Variants in TPGS2 observed in about 807,000 individuals in gnomAD.
The protein encoded by TPGS2 is tubulin polyglutamylase complex subunit 2.
TPGS2 carries 26 observed loss-of-function variants against 31.1 expected under a neutral mutation model. The ratio of observed to expected loss-of-function variants is 0.84; its 90% CI spans 0.61 to 1.16. The LOEUF (loss-of-function observed/expected upper bound fraction) is 1.16. TPGS2 is among the 50% of genes most tolerant of loss of function. The pLI is 0.00. For missense variants in TPGS2, 351 were observed against 363.8 expected (o/e 0.96, Z 0.29); for synonymous variants, 130 against 136.6 (o/e 0.95, Z 0.34).
At chr18:36,787,300 C>A (rs529721710) in intron 6 of TPGS2, among the ~76,000 whole-genome samples, 2 of 152,272 alleles carry the variant, frequency 1.3e-5, no homozygotes, top group East Asian at 1.9e-4. Flanking sequence ...TTGGCTTTTT[C>A]TCTTTCAGAA....
At chr18:36,800,090 G>A in intron 5 of TPGS2, 108 bp downstream of exon 5, 1 of 907,464 alleles carries the variant, frequency 1.1e-6, no homozygotes, top group South Asian at 1.6e-5. Flanking sequence ...GAACCTGGGA[G>A]CATCTCAAGA....
In TPGS2 at chr18:36,795,926, A is replaced by ATGTT. The variant is rs1029225464; in HGVS notation, c.*875_*878dup. On this transcript the variant is annotated 3_prime_UTR_variant, in exon 7 of 7. Transcript: ENST00000334295. Reference sequence around the variant, plus strand: ...TCTTTATGAAGAGTTGTGCAAAACAATGTTTGGGAATTTTTTGTTTTTAAA... The same window carrying ATGTT: ...TCTTTATGAAGAGTTGTGCAAAACAATGTTTGTTTGGGAATTTTTTGTTTTTAAA... The ATGTT allele has an allele frequency of 3.9e-5, 38 of 985,352 alleles. No homozygotes were observed. The highest frequency in any genetic ancestry group is 4.2e-5 in the Non-Finnish European group (35 of 829,944). The allele number at this position is 985,352 out of a possible 1,614,324, so 61.0% of individuals were successfully genotyped here. A position where few individuals can be genotyped will look rare whatever the true frequency, so the allele number is the denominator to read the frequency against.
At chr18:36,788,886 G>C (rs1014019693) in intron 6 of TPGS2, 1 of 152,148 alleles carries the variant, frequency 6.6e-6, no homozygotes, top group South Asian at 2.1e-4. Context: ...GAGGCTAGGA[G>C]GACGATCCCA....
chr18:36,788,273 A>G (rs992517047), intron 6 of TPGS2, among the ~76,000 whole-genome samples: 1 of 152,130 alleles, frequency 6.6e-6, no homozygotes, highest in Admixed American at 6.5e-5. Flanking sequence ...CTCAATAAAC[A>G]TACATTCTAG....
chr18:36,823,942 C>CAT, intron 1 of TPGS2: 1 of 757,012 alleles, frequency 1.3e-6, no homozygotes, highest in Non-Finnish European at 1.6e-6. Flanking sequence ...TTTACTGAGA[C>CAT]ATAATTCGCA....
In TPGS2 at chr18:36,794,882, C is replaced by T. The variant is rs935812312; in HGVS notation, c.*1923G>A. Reference sequence around the variant, plus strand: ...ACACACACACACACACACACACACACGTTTAAATGACCACACTGAATTATA... The same window carrying T: ...ACACACACACACACACACACACACATGTTTAAATGACCACACTGAATTATA... On this transcript the variant is annotated 3_prime_UTR_variant, in exon 7 of 7. Coordinates refer to ENST00000334295, the MANE Select transcript of TPGS2 (RefSeq NM_015476.4). 73 of 968,830 alleles carry T rather than the reference C, an allele frequency of 7.5e-5. No individual in the cohort carries two copies. Among genetic ancestry groups the T allele is most frequent in the Non-Finnish European group, 8.6e-5 (71 of 823,726 alleles). The allele number at this position is 968,830 out of a possible 1,614,324, so 60.0% of individuals were successfully genotyped here.
chr18:36,794,357 T>TATCA lies in TPGS2; in HGVS notation c.*2444_*2447dup. 1 of 985,508 alleles carries TATCA rather than the reference T, an allele frequency of 1.0e-6. No homozygotes were observed. Among genetic ancestry groups the TATCA allele is most frequent in the South Asian group, 4.7e-5 (1 of 21,286 alleles). 61.0% of individuals were successfully genotyped at this position (985,508 alleles called of 1,614,324 possible). A position where few individuals can be genotyped will look rare whatever the true frequency, so the allele number is the denominator to read the frequency against. ...CTGAGGCAGGTCTTGAGCCTTTCCT[T>TATCA]ATCATAACCCCCTTCCTTTGATAGC... is the stretch of plus-strand genomic sequence containing the variant. On this transcript the variant is annotated 3_prime_UTR_variant, in exon 7 of 7. Transcript: ENST00000334295.
chr18:36,800,354 C>G (rs1208613285), intron 4 of TPGS2, 43 bp from the exon 5 acceptor site: 8 of 1,561,950 alleles, frequency 5.1e-6, no homozygotes, highest in Admixed American at 1.7e-5. Flanking sequence ...ACAAACTCAA[C>G]TCAAACACAT....
intron 2 of TPGS2, among the ~76,000 whole-genome samples, chr18:36,812,966 A>T (rs888921286): frequency 9.2e-5 from 14 of 152,220 alleles, no homozygotes; most frequent in African/African-American, 3.1e-4. Flanking sequence ...GAGGAAAAAC[A>T]GTGTGTGTTT....
chr18:36,826,869 C>G (rs1434080687), intron 1 of TPGS2, among the ~76,000 whole-genome samples: 1 of 152,022 alleles, frequency 6.6e-6, no homozygotes, highest in Non-Finnish European at 1.5e-5. Context: ...TCATAGATGT[C>G]CTTCATCAGG....
At position 36,800,679 on chromosome 18, in the gene TPGS2, C is replaced by T. The variant is rs928635896; in HGVS notation, c.383-368G>A. ...AAAAGTGGGATAGCAAACACATTAT[C>T]TGAATCTTTCTTTCTTTTTTTTTTT... On this transcript the variant is annotated intron_variant, in intron 4 of 6. Transcript: ENST00000334295. Among the ~76,000 whole-genome samples the T allele has an allele frequency of 4.0e-5, 6 of 151,372 alleles. No homozygotes were observed. In the East Asian group the frequency reaches 1.2e-3, roughly 30 times the overall value.
At chr18:36,783,051 TCTG>T in exon 7 of TPGS2, 1 of 398,492 alleles carries the variant, frequency 2.5e-6, no homozygotes. Flanking sequence ...TCTAGAACCT[TCTG>T]CTCCGGATTC....
At chr18:36,785,297 CA>C (rs58657430) in intron 6 of TPGS2, among the ~76,000 whole-genome samples, 3 of 151,394 alleles carry the variant, frequency 2.0e-5, no homozygotes, top group Non-Finnish European at 4.4e-5. Context: ...AACTCTGTCT[CA>C]AAAAAAAATT....
At chr18:36,811,519 C>A (rs1200965663) in intron 2 of TPGS2, among the ~76,000 whole-genome samples, 1 of 152,164 alleles carries the variant, frequency 6.6e-6, no homozygotes, top group Non-Finnish European at 1.5e-5. Context: ...GTGTGTCTGA[C>A]AGAGCTCATA....
chr18:36,796,813 G>C lies in TPGS2; in HGVS notation c.895C>G (p.Arg299Gly). 6.3e-7 allele frequency: 1 copy of C among 1,595,442 alleles called. No individual in the cohort carries two copies. Among genetic ancestry groups the C allele is most frequent in the Non-Finnish European group, 8.5e-7 (1 of 1,174,874 alleles). The change falls in exon 7 of 7, where the codon CGG (arginine) becomes GGG (glycine). Residue 299 changes from arginine (R) to glycine (G), a missense_variant. Physicochemically the swap from Arg to Gly is moderately radical, Grantham distance 125 (BLOSUM62 -2). Coordinates refer to ENST00000334295, the MANE Select transcript of TPGS2 (RefSeq NM_015476.4). The stretch of plus-strand genomic sequence containing the variant: ...GTTGGAGGGAGGGGTGCTCACTTCC[G>C]GGTGGGGTTTCCAGAGCCAGAGGAG... Reference protein sequence around the residue: ...KSSSGSGNPTRK With the variant: ...KSSSGSGNPTGK
chr18:36,783,664 T>C (rs1227637931), intron 6 of TPGS2, among the ~76,000 whole-genome samples: 1 of 152,226 alleles, frequency 6.6e-6, no homozygotes, highest in Non-Finnish European at 1.5e-5. Flanking sequence ...TCCAGGCTCC[T>C]GGTCTGTGAG....
At chr18:36,784,310 A>G (rs1452989343) in intron 6 of TPGS2, among the ~76,000 whole-genome samples, 1 of 152,246 alleles carries the variant, frequency 6.6e-6, no homozygotes, top group African/African-American at 2.4e-5. Context: ...GGGAAAAAGG[A>G]GAGTCATGGT....
At chr18:36,787,392 C>T (rs1200455993) in intron 6 of TPGS2, among the ~76,000 whole-genome samples, 1 of 152,246 alleles carries the variant, frequency 6.6e-6, no homozygotes, top group Non-Finnish European at 1.5e-5. Flanking sequence ...TAAGCCCTCA[C>T]TGCTCTTTGG....
At chr18:36,809,907 T>C (rs2045341617) in intron 2 of TPGS2, among the ~76,000 whole-genome samples, 1 of 152,244 alleles carries the variant, frequency 6.6e-6, no homozygotes, top group Non-Finnish European at 1.5e-5. Context: ...TTATAACATT[T>C]GTTATGGTAT....
Sources: gnomAD v4.1 joint callset for allele counts (sites outside exome capture counted in the v4.1 genomes callset) on GRCh38, gnomAD v4.1.1 for gene constraint, MANE v1.5 for transcripts, NCBI Gene and HGNC (gene_info 2026-07-23, HGNC 2026-07-21) for gene names.